PIGH: variants seen among roughly 807,000 people sequenced by gnomAD.
PIGH encodes the protein phosphatidylinositol N-acetylglucosaminyltransferase subunit H.
A neutral mutation model predicts 20.1 loss-of-function variants in PIGH; 11 were observed. The observed-to-expected ratio is 0.55, with a 90% CI of 0.34 to 0.91. PIGH has a LOEUF of 0.91. Among genes scored for constraint, PIGH ranks in the 40% least tolerant of loss-of-function variants. The pLI, the probability that PIGH is intolerant of heterozygous loss-of-function variation, is 0.02. For missense variants in PIGH, 189 were observed against 233.6 expected (o/e 0.81, Z 1.24); for synonymous variants, 72 against 93.1 (o/e 0.77, Z 1.31).
At chr14:67,592,323 C>A in intron 3 of PIGH, 1 of 435,826 alleles carries the variant, frequency 2.3e-6, no homozygotes, top group Non-Finnish European at 4.2e-6. Context: ...ACCTGTAGTC[C>A]CAAGTTCTCA....
chr14:67,593,685 C>T (rs761976055), intron 2 of PIGH, 58 bp downstream of exon 2: 9 of 969,258 alleles, frequency 9.3e-6, no homozygotes, highest in Admixed American at 3.5e-5. Flanking sequence ...TGGGAACATC[C>T]CATGGGCTGG....
intron 3 of PIGH, chr14:67,592,098 G>A: frequency 5.7e-6 from 1 of 175,664 alleles, no homozygotes. Context: ...GATGAATGGT[G>A]ATTTATAGGC....
intron 3 of PIGH, among the ~76,000 whole-genome samples, chr14:67,591,465 G>A (rs899975506): frequency 6.6e-6 from 1 of 152,122 alleles, no homozygotes; most frequent in Admixed American, 6.6e-5. Context: ...GTGAGGCAGG[G>A]TTAACTGTAT....
chr14:67,597,841 G>A (rs2036502970), intron 1 of PIGH, among the ~76,000 whole-genome samples: 1 of 152,108 alleles, frequency 6.6e-6, no homozygotes, highest in South Asian at 2.1e-4. Context: ...TAGGGGAAGT[G>A]GTGGTTAGTG....
chr14:67,592,798 A>C (rs74194994), intron 2 of PIGH, 80 bp from the exon 3 acceptor site: 1 of 926,380 alleles, frequency 1.1e-6, no homozygotes, highest in East Asian at 2.7e-5. Flanking sequence ...TTATTTATTT[A>C]TTTTTGAGAC....
intron 1 of PIGH, among the ~76,000 whole-genome samples, chr14:67,595,706 C>T (rs560425060): frequency 1.3e-5 from 2 of 152,332 alleles, no homozygotes; most frequent in East Asian, 3.9e-4. Flanking sequence ...CCTGGAACTA[C>T]TATGGCCTCT....
chr14:67,593,950 G>C lies in PIGH; in HGVS notation c.183C>G (p.Asn61Lys). Residue 61 changes from asparagine (N) to lysine (K), a missense_variant and splice_region_variant, in exon 2 of 4, where the codon AAC becomes AAG. Coordinates refer to ENST00000216452, the MANE Select transcript of PIGH (RefSeq NM_004569.5). The stretch of plus-strand genomic sequence containing the variant: ...AGATGGCAGCAGAGAGGATCATGCT[G>C]TTCTGAAGAGAGAGCCAGACACAGA... ...AAYGLFTLCE[N>K]SMILSAAIFI... 1.2e-6 allele frequency: 2 copies of C among 1,605,390 alleles called. No homozygotes were observed. Among genetic ancestry groups the C allele is most frequent in the Non-Finnish European group, 1.7e-6 (2 of 1,173,858 alleles).
At chr14:67,595,999 G>T (rs1348227927) in intron 1 of PIGH, among the ~76,000 whole-genome samples, 1 of 152,130 alleles carries the variant, frequency 6.6e-6, no homozygotes, top group Non-Finnish European at 1.5e-5. Context: ...TCAAAAAATG[G>T]TGTCTATTAT....
intron 1 of PIGH, among the ~76,000 whole-genome samples, chr14:67,599,443 A>C (rs2036532994): frequency 6.6e-6 from 1 of 152,214 alleles, no homozygotes; most frequent in South Asian, 2.1e-4. Flanking sequence ...CCAAAATTTC[A>C]TAAACCTTTA....
At chr14:67,599,601 T>C (rs1306156741) in intron 1 of PIGH, among the ~76,000 whole-genome samples, 1 of 152,192 alleles carries the variant, frequency 6.6e-6, no homozygotes, top group African/African-American at 2.4e-5. Context: ...TTTGTGGAAG[T>C]CTACGTAAAG....
At chr14:67,598,374 A>C (rs1292074190) in intron 1 of PIGH, among the ~76,000 whole-genome samples, 2 of 152,132 alleles carry the variant, frequency 1.3e-5, no homozygotes, top group Non-Finnish European at 2.9e-5. Context: ...TTTGCCTAAG[A>C]TCAGCTATAC....
chr14:67,591,092 T>C (rs375582349), intron 3 of PIGH, among the ~76,000 whole-genome samples: 42 of 152,018 alleles, frequency 2.8e-4, no homozygotes, highest in African/African-American at 9.7e-4. Flanking sequence ...TAAAAATATA[T>C]AAAAATAGAT....
rs1482830583 is a variant in PIGH, at chr14:67,600,149, G to A, written c.55C>T (p.Arg19Cys). The change falls in exon 1 of 4, where the codon CGC becomes TGC. Residue 19 changes from arginine (R) to cysteine (C), a missense_variant. By Grantham distance (180) the Arg-to-Cys change is radical. Transcript: ENST00000216452. ...CGGCAGGACGGGGAGTAGTAGCGGC[G>A]CTGCAGCGCCAGGCGGCCGCCGCAG... ...DICGGRLALQ[R>C]RYYSPSCREF... The A allele has an allele frequency of 6.3e-7, 1 of 1,592,766 alleles. No homozygotes were observed. The highest frequency in any genetic ancestry group is 8.5e-7 in the Non-Finnish European group (1 of 1,170,620).
intron 3 of PIGH, 109 bp from the exon 4 acceptor site, chr14:67,590,281 T>A: frequency 2.3e-6 from 2 of 862,530 alleles, no homozygotes; most frequent in Non-Finnish European, 3.3e-6. Flanking sequence ...GAGACAGAGT[T>A]TTGCTCTGTT....
Position 67,592,642 on chromosome 14 carries a change from A to T in PIGH, c.467T>A (p.Val156Asp). The T allele has an allele frequency of 6.3e-7, 1 of 1,591,202 alleles. No homozygotes were observed. Among genetic ancestry groups the T allele is most frequent in the Non-Finnish European group, 8.6e-7 (1 of 1,160,832 alleles). Residue 156 changes from valine (V) to aspartate (D), a missense_variant, in exon 3 of 4, where the codon GTC becomes GAC. Val to Asp is a radical substitution (Grantham distance 152). Transcript: ENST00000216452. The part of the protein sequence containing the change: ...EPHGISQVVP[V>D]FQSAKPRLDC... ...AAAGTATTCTATGCTCACCTGGAAG[A>T]CGGGTACTACTTGGGATATCCCATG...
At chr14:67,597,556 G>C (rs1454440566) in intron 1 of PIGH, among the ~76,000 whole-genome samples, 1 of 152,020 alleles carries the variant, frequency 6.6e-6, no homozygotes, top group African/African-American at 2.4e-5. Context: ...GTTGATTGAT[G>C]AATGGAGGAT....
intron 3 of PIGH, 181 bp downstream of exon 3, chr14:67,592,454 G>A (rs1412223627): frequency 3.6e-6 from 2 of 561,912 alleles, no homozygotes; most frequent in African/African-American, 1.9e-5. Flanking sequence ...AAAATAAAAT[G>A]TGCATGAATA....
intron 1 of PIGH, among the ~76,000 whole-genome samples, chr14:67,594,633 C>G (rs2036436606): frequency 6.6e-6 from 1 of 150,376 alleles, no homozygotes; most frequent in African/African-American, 2.4e-5. Flanking sequence ...AGCCTGATGA[C>G]AGAGTGAGAC....
chr14:67,592,580 C>G (rs1226796682), intron 3 of PIGH, 55 bp downstream of exon 3: 2 of 1,037,632 alleles, frequency 1.9e-6, no homozygotes, highest in African/African-American at 3.1e-5. Context: ...AATTTACATT[C>G]CTAATGAAAA....
Sources: gnomAD v4.1 joint callset for allele counts (sites outside exome capture counted in the v4.1 genomes callset) on GRCh38, gnomAD v4.1.1 for gene constraint, MANE v1.5 for transcripts, NCBI Gene and HGNC (gene_info 2026-07-23, HGNC 2026-07-21) for gene names.